CCDC91: variants seen among roughly 807,000 people sequenced by gnomAD.
The protein encoded by CCDC91 is coiled-coil domain containing 91.
In CCDC91, 48 loss-of-function variants were observed where a neutral mutation model predicts 63.2. The observed-to-expected ratio is 0.76, with a 90% CI of 0.60 to 0.97. The LOEUF is 0.97. CCDC91 is among the 50% of genes least tolerant of loss of function. The probability of loss-of-function intolerance (pLI) is 0.00; values close to 1 mark genes in which losing one functional copy is unlikely to be tolerated. For missense variants in CCDC91, 500 were observed against 494.6 expected (o/e 1.01, Z -0.10); for synonymous variants, 167 against 165.8 (o/e 1.01, Z -0.06).
intron 8 of CCDC91, among the ~76,000 whole-genome samples, chr12:28,442,288 A>T (rs118107717): frequency 2.0e-5 from 3 of 152,142 alleles, no homozygotes; most frequent in African/African-American, 7.2e-5. Flanking sequence ...TCAGGCATTC[A>T]TGAAAATTCG....
intron 6 of CCDC91, among the ~76,000 whole-genome samples, chr12:28,334,659 CA>C (rs1483080772): frequency 1.3e-5 from 2 of 152,144 alleles, no homozygotes; most frequent in African/African-American, 4.8e-5. Context: ...CCTTAGGATA[CA>C]TTTTTTTATA....
chr12:28,380,065 A>G lies in CCDC91; in HGVS notation c.655-11239A>G, dbSNP rs145474703. ...TGGAAACCATCATTCTCAGCAAACT[A>G]TCACAAGGACAGAAAACCAAACACC... On this transcript the variant is annotated intron_variant, in intron 7 of 12. Coordinates refer to ENST00000536442, the MANE Select transcript of CCDC91 (RefSeq NM_018318.5). Among the ~76,000 whole-genome samples the G allele has an allele frequency of 0.018, 2,793 of 152,270 alleles. 194 individuals are homozygous for G. In the East Asian group the frequency reaches 0.24, roughly 13 times the overall value.
intron 8 of CCDC91, among the ~76,000 whole-genome samples, chr12:28,401,807 C>T (rs1946637483): frequency 6.6e-6 from 1 of 152,130 alleles, no homozygotes; most frequent in African/African-American, 2.4e-5. Flanking sequence ...TTTGCCTAAC[C>T]ATATGTCACA....
At chr12:28,500,476 A>G (rs1937680781) in intron 12 of CCDC91, among the ~76,000 whole-genome samples, 1 of 150,952 alleles carries the variant, frequency 6.6e-6, no homozygotes, top group South Asian at 2.1e-4. Flanking sequence ...CTCATTTTTC[A>G]TTGAGGATCC....
intron 12 of CCDC91, among the ~76,000 whole-genome samples, chr12:28,522,902 C>T (rs1327410747): frequency 6.6e-6 from 1 of 152,126 alleles, no homozygotes. Flanking sequence ...GTTTCTTAAT[C>T]GTGAGTTCTA....
At chr12:28,413,035 A>C (rs1480251723) in intron 8 of CCDC91, 1 of 178,210 alleles carries the variant, frequency 5.6e-6, no homozygotes, top group East Asian at 1.7e-4. Context: ...TTTATCTGCC[A>C]TTTATTTGTC....
At chr12:28,376,275 G>T (rs1944939419) in intron 7 of CCDC91, among the ~76,000 whole-genome samples, 1 of 151,522 alleles carries the variant, frequency 6.6e-6, no homozygotes, top group Non-Finnish European at 1.5e-5. Flanking sequence ...TTAAGGTTTT[G>T]TGGGTGGGTG....
intron 12 of CCDC91, among the ~76,000 whole-genome samples, chr12:28,543,310 A>C (rs1397710810): frequency 6.6e-6 from 1 of 152,102 alleles, no homozygotes; most frequent in Non-Finnish European, 1.5e-5. Flanking sequence ...ACCCATTACA[A>C]TAATTATCTG....
intron 7 of CCDC91, among the ~76,000 whole-genome samples, chr12:28,371,132 A>G (rs1189457649): frequency 2.6e-5 from 4 of 151,618 alleles, no homozygotes; most frequent in Non-Finnish European, 5.9e-5. Flanking sequence ...CTCCCATTCT[A>G]TTTTGGTGGT....
rs568705955 is a variant in CCDC91, at chr12:28,324,301, T to C, written c.576+16552T>C. ...TTCCTTGTGAAACTTTAAAAAAAAG[T>C]ATGGTTCACAAAAATAATGATTGTT... On this transcript the variant is annotated intron_variant, in intron 6 of 12. Coordinates refer to ENST00000536442, the MANE Select transcript of CCDC91 (RefSeq NM_018318.5). Among the ~76,000 whole-genome samples the C allele has an allele frequency of 1.0e-3, 153 of 151,986 alleles. 3 individuals are homozygous for C. In the South Asian group the frequency reaches 0.031, roughly 31 times the overall value.
chr12:28,286,741 A>C (rs556403005), intron 3 of CCDC91, among the ~76,000 whole-genome samples: 1 of 152,150 alleles, frequency 6.6e-6, no homozygotes, highest in African/African-American at 2.4e-5. Context: ...TGGGGGGACT[A>C]TTGGGTCATA....
chr12:28,421,241 T>C (rs1947987937), intron 8 of CCDC91, among the ~76,000 whole-genome samples: 1 of 152,162 alleles, frequency 6.6e-6, no homozygotes, highest in East Asian at 1.9e-4. Context: ...CAGGGATACA[T>C]GTGCAGGTTT....
chr12:28,365,669 A>G, intron 7 of CCDC91, among the ~76,000 whole-genome samples: 1 of 152,242 alleles, frequency 6.6e-6, no homozygotes, highest in South Asian at 2.1e-4. Context: ...TACAGCAGTG[A>G]GCAAAATATT....
chr12:28,548,618 C>G (rs1312999090), intron 12 of CCDC91, among the ~76,000 whole-genome samples: 6 of 152,068 alleles, frequency 3.9e-5, no homozygotes, highest in Non-Finnish European at 7.4e-5. Context: ...TCTCTAATTT[C>G]AGCAAATTGT....
intron 1 of CCDC91, among the ~76,000 whole-genome samples, chr12:28,253,900 A>AT (rs1946280909): frequency 6.6e-6 from 1 of 151,746 alleles, no homozygotes; most frequent in Non-Finnish European, 1.5e-5. Flanking sequence ...TACTTTGGAA[A>AT]TTTTTTCTTC....
At chr12:28,417,620 G>GATAGATATATATATATAT (rs1555208047) in intron 8 of CCDC91, among the ~76,000 whole-genome samples, 1 of 139,764 alleles carries the variant, frequency 7.2e-6, no homozygotes, top group African/African-American at 2.5e-5. Context: ...GAACCTTTGA[G>GATAGATATATATATATAT]ATATATATAT....
intron 12 of CCDC91, among the ~76,000 whole-genome samples, chr12:28,515,744 TTATA>T (rs1236658943): frequency 6.6e-6 from 1 of 151,896 alleles, no homozygotes; most frequent in Non-Finnish European, 1.5e-5. Flanking sequence ...AAGCTTACTT[TTATA>T]AAAACTCAGT....
intron 8 of CCDC91, among the ~76,000 whole-genome samples, chr12:28,435,099 G>T (rs546136819): frequency 6.1e-4 from 92 of 151,330 alleles, no homozygotes; most frequent in Non-Finnish European, 1.1e-3. Context: ...TTTTGGTTTT[G>T]TTGATTTTTT....
intron 1 of CCDC91, among the ~76,000 whole-genome samples, chr12:28,242,691 C>T (rs1027707355): frequency 5.3e-5 from 8 of 151,978 alleles, no homozygotes; most frequent in African/African-American, 1.5e-4. Context: ...CTGTGGGTGA[C>T]GTGGTTTGGA....
Sources: gnomAD v4.1 joint callset for allele counts (sites outside exome capture counted in the v4.1 genomes callset) on GRCh38, gnomAD v4.1.1 for gene constraint, MANE v1.5 for transcripts, NCBI Gene and HGNC (gene_info 2026-07-23, HGNC 2026-07-21) for gene names.